The following CPS1 variants were observed in gnomAD, a reference collection of about 807,000 sequenced individuals.
CPS1 encodes carbamoyl-phosphate synthase [ammonia], mitochondrial.
Under a neutral mutation model 174.6 loss-of-function variants are expected in CPS1, and 109 were observed. The ratio of observed to expected loss-of-function variants is 0.62; its 90% CI spans 0.53 to 0.73. CPS1 has a LOEUF of 0.73. Among genes scored for constraint, CPS1 ranks in the 30% least tolerant of loss-of-function variants. CPS1 has a pLI of 0.00. For missense variants in CPS1, 1,689 were observed against 1,821.9 expected (o/e 0.93, Z 1.33); for synonymous variants, 637 against 632.0 (o/e 1.01, Z -0.12).
intron 1 of CPS1, among the ~76,000 whole-genome samples, chr2:210,496,568 G>T (rs576819842): frequency 5.3e-4 from 80 of 152,212 alleles, no homozygotes; most frequent in African/African-American, 1.9e-3. Context: ...GATCATCTAG[G>T]GCCCTATTTG....
chr2:210,566,075 T>G (rs1297763512), intron 1 of CPS1, among the ~76,000 whole-genome samples: 9 of 152,128 alleles, frequency 5.9e-5, no homozygotes, highest in Admixed American at 5.9e-4. Context: ...AGGCCTAACT[T>G]AGACACTGGT....
chr2:210,579,548 A>C (rs1697839455), intron 4 of CPS1, among the ~76,000 whole-genome samples, 166 bp from the exon 5 acceptor site: 2 of 152,148 alleles, frequency 1.3e-5, no homozygotes, highest in Non-Finnish European at 2.9e-5. Flanking sequence ...TGTAGCAACA[A>C]TTTACTGTGT....
chr2:210,602,441 A>T (rs1698760390), intron 16 of CPS1, 111 bp downstream of exon 16: 1 of 1,350,976 alleles, frequency 7.4e-7, no homozygotes, highest in African/African-American at 1.4e-5. Context: ...TTATTAAATC[A>T]TGATCATGTT....
At chr2:210,513,961 T>C (rs1472616375) in intron 1 of CPS1, among the ~76,000 whole-genome samples, 1 of 152,084 alleles carries the variant, frequency 6.6e-6, no homozygotes, top group Non-Finnish European at 1.5e-5. Context: ...CCCCATTGCT[T>C]GTTTTTGTTG....
At chr2:210,595,074 A>T (rs948130989) in intron 12 of CPS1, among the ~76,000 whole-genome samples, 4 of 151,854 alleles carry the variant, frequency 2.6e-5, no homozygotes, top group Non-Finnish European at 5.9e-5. Flanking sequence ...CTTAATTTGA[A>T]TATGTATGTT....
chr2:210,524,250 T>G (rs569508345), intron 1 of CPS1, among the ~76,000 whole-genome samples: 1 of 152,128 alleles, frequency 6.6e-6, no homozygotes, highest in East Asian at 1.9e-4. Flanking sequence ...ATAGTTTTAC[T>G]TTTATAAACA....
chr2:210,528,869 G>A (rs559746403), intron 1 of CPS1, among the ~76,000 whole-genome samples: 1 of 116,242 alleles, frequency 8.6e-6, no homozygotes, highest in East Asian at 2.5e-4. Context: ...ACAGGACATT[G>A]TGGCTAGCTG....
At chr2:210,491,668 C>T (rs1374194502) in intron 1 of CPS1, among the ~76,000 whole-genome samples, 2 of 152,082 alleles carry the variant, frequency 1.3e-5, no homozygotes, top group Non-Finnish European at 2.9e-5. Flanking sequence ...AAGTTACCAT[C>T]TCACCTCCAC....
intron 32 of CPS1, 113 bp downstream of exon 32, chr2:210,660,768 T>A: frequency 9.7e-7 from 1 of 1,030,348 alleles, no homozygotes; most frequent in Non-Finnish European, 1.5e-6. Flanking sequence ...AGGGTTGGAC[T>A]AGGGATTTAC....
At chr2:210,477,832 A>G in intron 1 of CPS1, 1 of 1,559,110 alleles carries the variant, frequency 6.4e-7, no homozygotes, top group Non-Finnish European at 8.8e-7. Flanking sequence ...AACTCACAAG[A>G]GAGAAAAGGA....
intron 4 of CPS1, among the ~76,000 whole-genome samples, chr2:210,579,241 A>G (rs1697825438): frequency 6.6e-6 from 1 of 152,142 alleles, no homozygotes; most frequent in South Asian, 2.1e-4. Flanking sequence ...TAGTCAAAGA[A>G]CCTTAAAACA....
chr2:210,533,129 C>A (rs1386275149), intron 1 of CPS1, among the ~76,000 whole-genome samples: 1 of 151,994 alleles, frequency 6.6e-6, no homozygotes, highest in Non-Finnish European at 1.5e-5. Context: ...GGAATTGCCA[C>A]CTGGTGAGGT....
At chr2:210,555,542 T>G, upstream of CPS1, 3 of 446,302 alleles carry the variant, frequency 6.7e-6, no homozygotes, top group South Asian at 4.7e-5. Context: ...AAATTAAACT[T>G]TGTTCCTCTT....
At chr2:210,650,224 G>C in intron 27 of CPS1, 139 bp from the exon 28 acceptor site, 1 of 721,306 alleles carries the variant, frequency 1.4e-6, no homozygotes, top group Middle Eastern at 2.4e-4. Flanking sequence ...ATTAAATGGA[G>C]AAAAGTCTCA....
At chr2:210,561,045 A>C (rs572541835) in intron 1 of CPS1, among the ~76,000 whole-genome samples, 1 of 152,248 alleles carries the variant, frequency 6.6e-6, no homozygotes, top group East Asian at 1.9e-4. Flanking sequence ...TAATTGGGAG[A>C]TGGCCTTTCT....
chr2:210,591,631 C>T (rs527664489), intron 9 of CPS1, among the ~76,000 whole-genome samples, 200 bp from the exon 10 acceptor site: 1 of 152,016 alleles, frequency 6.6e-6, no homozygotes, highest in Non-Finnish European at 1.5e-5. Flanking sequence ...TAACACACAA[C>T]AAAGCTTCCT....
intron 1 of CPS1, among the ~76,000 whole-genome samples, chr2:210,506,579 A>G (rs1207483021): frequency 1.3e-5 from 2 of 152,314 alleles, no homozygotes; most frequent in African/African-American, 2.4e-5. Flanking sequence ...AAACTACTCC[A>G]AGCTAAAGGA....
chr2:210,631,560 G>A (rs528637347), intron 21 of CPS1, among the ~76,000 whole-genome samples: 2 of 152,212 alleles, frequency 1.3e-5, no homozygotes, highest in African/African-American at 4.8e-5. Flanking sequence ...TGATGGTCTG[G>A]TTTTAAGACA....
chr2:210,656,595 T>A lies in CPS1; in HGVS notation c.3629T>A (p.Leu1210Gln), dbSNP rs550691034. The A allele has an allele frequency of 6.2e-7, 1 of 1,612,326 alleles. No homozygotes were observed. The highest frequency in any genetic ancestry group is 2.2e-5 in the East Asian group (1 of 44,824). ...CACTCGGGAGATGCCACTCTGATGCTGCCCACACAAACCATCAGCCAAGGG... is the reference window on the plus strand; with the variant it reads ...CACTCGGGAGATGCCACTCTGATGCAGCCCACACAAACCATCAGCCAAGGG... ...GVHSGDATLMLPTQTISQGAI... is the reference protein window; with the variant it reads ...GVHSGDATLMQPTQTISQGAI... The change falls in exon 30 of 38, where the codon CTG becomes CAG. Residue 1210 changes from leucine to glutamine, a missense_variant. Coordinates refer to ENST00000233072, the MANE Select transcript of CPS1 (RefSeq NM_001875.5).
Sources: gnomAD v4.1 joint callset for allele counts (sites outside exome capture counted in the v4.1 genomes callset) on GRCh38, gnomAD v4.1.1 for gene constraint, MANE v1.5 for transcripts, NCBI Gene and HGNC (gene_info 2026-07-23, HGNC 2026-07-21) for gene names.